Variants in ATXN2 observed in about 807,000 individuals in gnomAD.
The protein encoded by ATXN2 is ataxin-2.
Under a neutral mutation model 138.6 loss-of-function variants are expected in ATXN2, and 37 were observed. The ratio of observed to expected loss-of-function variants is 0.27; its 90% CI spans 0.21 to 0.35. ATXN2 has a LOEUF of 0.35. Among genes scored for constraint, ATXN2 ranks in the 10% least tolerant of loss-of-function variants. The probability of loss-of-function intolerance (pLI) is 1.00; values close to 1 mark genes in which losing one functional copy is unlikely to be tolerated. For missense variants in ATXN2, 1,216 were observed against 1,480.3 expected, an observed-to-expected ratio of 0.82 and a Z score of 2.93; for synonymous variants, 549 against 543.7, an observed-to-expected ratio of 1.01 and a Z score of -0.13.
chr12:111,452,616 G>A lies in ATXN2; in HGVS notation c.*196C>T, dbSNP rs1874737741. On this transcript the variant is annotated 3_prime_UTR_variant, in exon 25 of 25. Coordinates refer to ENST00000673436, the MANE Select transcript of ATXN2 (RefSeq NM_001372574.1). ...TATGGAATTATGGAATAGCCCCCAA[G>A]TTCCTAAATGCCTCTACTCGGTCCA... 3.2e-6 allele frequency: 2 copies of A among 632,692 alleles called. No individual in the cohort carries two copies. The highest frequency in any genetic ancestry group is 5.7e-5 in the East Asian group (2 of 35,312). 39.2% of individuals were successfully genotyped at this position (632,692 alleles called of 1,614,324 possible).
intron 18 of ATXN2, among the ~76,000 whole-genome samples, chr12:111,474,787 A>G (rs1876673560): frequency 6.6e-6 from 1 of 152,240 alleles, no homozygotes; most frequent in South Asian, 2.1e-4. Context: ...CATTCGTAAT[A>G]AAAAGTTACC....
chr12:111,596,518 T>C (rs1884949868), intron 1 of ATXN2, among the ~76,000 whole-genome samples: 1 of 152,168 alleles, frequency 6.6e-6, no homozygotes, highest in Non-Finnish European at 1.5e-5. Context: ...AGACTTATTT[T>C]CACTGTTGAT....
intron 8 of ATXN2, among the ~76,000 whole-genome samples, chr12:111,518,901 A>T (rs567646750): frequency 6.6e-6 from 1 of 152,246 alleles, no homozygotes; most frequent in East Asian, 1.9e-4. Flanking sequence ...ACCAGACTCT[A>T]AGCTGACTGC....
intron 1 of ATXN2, among the ~76,000 whole-genome samples, chr12:111,575,266 A>G (rs1245476093): frequency 2.0e-5 from 3 of 152,148 alleles, no homozygotes; most frequent in Admixed American, 6.6e-5. Context: ...AGCTCCTGCA[A>G]TCTTTAACTC....
rs564872677 is a variant in ATXN2, at chr12:111,453,919, A to G, written c.3271-74T>C. 1.9e-5 allele frequency: 28 copies of G among 1,478,116 alleles called. No individual in the cohort carries two copies. The African/African-American group carries it at 3.1e-4, about 16-fold the overall frequency. 91.6% of individuals were successfully genotyped at this position (1,478,116 alleles called of 1,614,324 possible). The stretch of plus-strand genomic sequence containing the variant: ...ACAACATGTCAACTGTGTTCCTTTC[A>G]CTGGGCTGGGACTCTCAGGAAAGGG... On this transcript the variant is annotated intron_variant, in intron 23 of 24. Coordinates refer to ENST00000673436, the MANE Select transcript of ATXN2 (RefSeq NM_001372574.1). This position sits in a 1 kb window ranked among gnomAD's most constrained non-coding sequence, Gnocchi z 5.4.
At chr12:111,583,194 T>C (rs1884111792) in intron 1 of ATXN2, among the ~76,000 whole-genome samples, 1 of 149,012 alleles carries the variant, frequency 6.7e-6, no homozygotes, top group South Asian at 2.1e-4. Context: ...GGTTTCACAA[T>C]GTTGCCCAGG....
rs576709187 is a variant in ATXN2, at chr12:111,597,768, C to T, written c.251+1016G>A. On this transcript the variant is annotated intron_variant, in intron 1 of 24. Transcript: ENST00000673436. ...ACCCGCCTTTCTGCCTTCAGGAACCCGACCACGTCCCCTGCTGCAATCTCT... is the reference window on the plus strand; with the variant it reads ...ACCCGCCTTTCTGCCTTCAGGAACCTGACCACGTCCCCTGCTGCAATCTCT... 3.3e-4 allele frequency: 334 copies of T among 1,025,742 alleles called. 5 individuals carry two copies. The South Asian group carries it at 4.2e-3, about 13-fold the overall frequency. The allele number at this position is 1,025,742 out of a possible 1,614,324, so 63.5% of individuals were successfully genotyped here.
intron 2 of ATXN2, among the ~76,000 whole-genome samples, chr12:111,555,576 G>C (rs952167013): frequency 1.3e-5 from 2 of 152,098 alleles, no homozygotes; most frequent in Non-Finnish European, 2.9e-5. Flanking sequence ...CACCATGATT[G>C]TAAGTTTCCT....
intron 7 of ATXN2, 146 bp from the exon 8 acceptor site, chr12:111,520,222 T>C (rs1249524742): frequency 9.1e-7 from 1 of 1,094,906 alleles, no homozygotes; most frequent in Non-Finnish European, 1.3e-6. Context: ...AAAGTTATAG[T>C]GATCTGTGTA....
chr12:111,513,515 G>A lies in ATXN2; in HGVS notation c.1400C>T (p.Ala467Val). ...SEGPPRMSPKAQRHPRNHRVS... is the reference protein window; with the variant it reads ...SEGPPRMSPKVQRHPRNHRVS... ...TCTGTGATTTCGAGGATGTCGCTGG[G>A]CCTTTGGGGACATCCTTGGAGGCCC... The change falls in exon 11 of 25, where the codon GCC becomes GTC. Residue 467 changes from alanine to valine, a missense_variant. Transcript: ENST00000673436. The A allele has an allele frequency of 3.1e-6, 5 of 1,613,244 alleles. No homozygotes were observed. The highest frequency in any genetic ancestry group is 4.2e-6 in the Non-Finnish European group (5 of 1,179,720).
chr12:111,521,358 C>A (rs1880147252), intron 6 of ATXN2, among the ~76,000 whole-genome samples: 1 of 152,180 alleles, frequency 6.6e-6, no homozygotes, highest in Non-Finnish European at 1.5e-5. Context: ...ACAGGAGGTA[C>A]ATATTTTACT....
upstream of ATXN2, chr12:111,599,598 A>T (rs1479280549): frequency 9.2e-7 from 1 of 1,091,248 alleles, no homozygotes; most frequent in East Asian, 5.5e-5. Context: ...GGTCAGACGG[A>T]AGCAGAACGT....
At chr12:111,483,011 A>C (rs1410916105) in intron 18 of ATXN2, among the ~76,000 whole-genome samples, 1 of 151,630 alleles carries the variant, frequency 6.6e-6, no homozygotes, top group Non-Finnish European at 1.5e-5. Context: ...AACATGGCAA[A>C]ACCCATCTCT....
At chr12:111,491,515 A>G (rs1452063594) in intron 14 of ATXN2, among the ~76,000 whole-genome samples, 4 of 152,032 alleles carry the variant, frequency 2.6e-5, no homozygotes, top group African/African-American at 9.7e-5. Flanking sequence ...GAGGAGAGGG[A>G]AGAGTAGGGA....
Position 111,452,342 on chromosome 12 carries a change from T to C in ATXN2, c.*470A>G, listed in dbSNP as rs117066377. ...GTAGACAGTGATCACCTCATCAAAC[T>C]TGATTTATAAATAATAATCCGTCAG... On this transcript the variant is annotated 3_prime_UTR_variant, in exon 25 of 25. Coordinates refer to ENST00000673436, the MANE Select transcript of ATXN2 (RefSeq NM_001372574.1). 1,604 of 153,856 alleles carry C rather than the reference T, an allele frequency of 0.01. 96 individuals are homozygous for C. The South Asian group carries it at 0.15, about 14-fold the overall frequency. The allele number at this position is 153,856 out of a possible 1,614,324, so 9.5% of individuals were successfully genotyped here.
chr12:111,453,343 T>C lies in ATXN2; in HGVS notation c.3439+334A>G. The C allele has an allele frequency of 9.1e-7, 1 of 1,095,650 alleles. No individual in the cohort carries two copies. Among genetic ancestry groups the C allele is most frequent in the Non-Finnish European group, 1.1e-6 (1 of 901,186 alleles). 67.9% of individuals were successfully genotyped at this position (1,095,650 alleles called of 1,614,324 possible). ...TAATAACCCCCCACATGTCAGACTT[T>C]TGGGACTCAGGAAGGAAAACACTGC... On this transcript the variant is annotated intron_variant, in intron 24 of 24. Coordinates refer to ENST00000673436, the MANE Select transcript of ATXN2 (RefSeq NM_001372574.1). The surrounding 1 kb of genome is among the most constrained non-coding windows in gnomAD (Gnocchi z 5.4).
chr12:111,560,316 A>T (rs1211562041), intron 1 of ATXN2, among the ~76,000 whole-genome samples: 1 of 152,222 alleles, frequency 6.6e-6, no homozygotes, highest in Non-Finnish European at 1.5e-5. Flanking sequence ...GTAATCTAGA[A>T]ATGACAAAGC....
chr12:111,527,434 T>A (rs765681507), intron 5 of ATXN2, among the ~76,000 whole-genome samples: 12 of 152,232 alleles, frequency 7.9e-5, no homozygotes, highest in Non-Finnish European at 1.5e-4. Context: ...ATTGTCTCCC[T>A]AATGGGCAAA....
intron 18 of ATXN2, among the ~76,000 whole-genome samples, chr12:111,484,579 G>A (rs1353955080): frequency 4.0e-5 from 6 of 151,884 alleles, no homozygotes; most frequent in Non-Finnish European, 7.4e-5. Flanking sequence ...GATTACAGGC[G>A]GCAGGTGCCA....
Sources: allele counts gnomAD v4.1 joint callset (sites outside exome capture counted in the v4.1 genomes callset), GRCh38; gene constraint gnomAD v4.1.1; non-coding constraint Gnocchi (gnomAD v3.1); transcripts MANE v1.5; gene names NCBI Gene and HGNC (gene_info 2026-07-23, HGNC 2026-07-21).